ARHGEF28: variants seen among roughly 807,000 people sequenced by gnomAD.
The protein encoded by ARHGEF28 is 190 kDa guanine nucleotide exchange factor.
In ARHGEF28, 152 loss-of-function variants were observed where a neutral mutation model predicts 206.6. The observed-to-expected ratio is 0.74, with a 90% CI of 0.64 to 0.84. The LOEUF (loss-of-function observed/expected upper bound fraction) is 0.84. Ranked by LOEUF, ARHGEF28 falls within the 40% of genes least tolerant of loss-of-function variation. The pLI, the probability that ARHGEF28 is intolerant of heterozygous loss-of-function variation, is 0.00. For missense variants in ARHGEF28, 2,028 were observed against 2,073.2 expected (o/e 0.98, Z 0.42); for synonymous variants, 763 against 776.4 (o/e 0.98, Z 0.29).
Position 73,706,826 on chromosome 5 carries a change from C to T in ARHGEF28, c.33+21942C>T, listed in dbSNP as rs544825143. The stretch of plus-strand genomic sequence containing the variant: ...GGTAGGTGCCCTCTCTCCTCCTCCC[C>T]GCTTTCTTCTCTCCTCCCTTCCTGC... On this transcript the variant is annotated intron_variant, in intron 2 of 35. Coordinates refer to ENST00000513042, the MANE Select transcript of ARHGEF28 (RefSeq NM_001177693.2). Among the ~76,000 whole-genome samples, 8 of 152,268 alleles carry T rather than the reference C, an allele frequency of 5.3e-5. No individual in the cohort carries two copies. In the South Asian group the frequency reaches 6.2e-4, roughly 12 times the overall value.
intron 31 of ARHGEF28, 27 bp downstream of exon 31, chr5:73,901,311 C>A: frequency 1.3e-6 from 2 of 1,589,974 alleles, no homozygotes; most frequent in Non-Finnish European, 1.7e-6. Context: ...TGTTAGTAAA[C>A]GGCAGCGGTT....
At chr5:73,857,436 C>T (rs1449922015) in intron 14 of ARHGEF28, among the ~76,000 whole-genome samples, 1 of 152,052 alleles carries the variant, frequency 6.6e-6, no homozygotes, top group Non-Finnish European at 1.5e-5. Flanking sequence ...TAATTGTTGA[C>T]ATTGTGAGAT....
intron 1 of ARHGEF28, among the ~76,000 whole-genome samples, chr5:73,639,601 A>G (rs1349136415): frequency 1.3e-5 from 2 of 152,146 alleles, no homozygotes; most frequent in East Asian, 1.9e-4. Flanking sequence ...TTTGAGTACA[A>G]GTATACAATA....
intron 21 of ARHGEF28, among the ~76,000 whole-genome samples, chr5:73,870,515 C>T (rs1223241794): frequency 2.0e-5 from 3 of 152,108 alleles, no homozygotes; most frequent in Admixed American, 6.5e-5. Context: ...ATGTTATTTC[C>T]CATATTCCTT....
chr5:73,849,464 T>C (rs1050075448), intron 13 of ARHGEF28, among the ~76,000 whole-genome samples: 1 of 152,106 alleles, frequency 6.6e-6, no homozygotes. Context: ...GCTAACATAA[T>C]CCAACTCCTC....
intron 35 of ARHGEF28, among the ~76,000 whole-genome samples, chr5:73,914,391 CTTT>C (rs571265796): frequency 0.027 from 2,743 of 102,728 alleles, 39 homozygotes; most frequent in African/African-American, 0.098. Context: ...TTCTGAATTG[CTTT>C]TTTTTTTTTT....
intron 35 of ARHGEF28, among the ~76,000 whole-genome samples, chr5:73,927,272 G>A (rs565378070): frequency 1.3e-5 from 2 of 152,208 alleles, no homozygotes; most frequent in South Asian, 2.1e-4. Flanking sequence ...AGCTACTTGG[G>A]GGGCTGAGGC....
At position 73,909,405 on chromosome 5, in the gene ARHGEF28, C is replaced by G; in HGVS notation, c.4162-7C>G. On this transcript the variant is annotated splice_region_variant and splice_polypyrimidine_tract_variant and intron_variant, in intron 33 of 35. Transcript: ENST00000513042. ...TTCAGTGATTTTTCCTCTGTCTGCT[C>G]TGACAGGCCGCCTTGACCATTCAGG... 6.3e-7 allele frequency: 1 copy of G among 1,589,406 alleles called. No homozygotes were observed. The highest frequency in any genetic ancestry group is 1.1e-5 in the South Asian group (1 of 88,700).
intron 29 of ARHGEF28, among the ~76,000 whole-genome samples, chr5:73,896,459 G>A: frequency 6.6e-6 from 1 of 152,136 alleles, no homozygotes; most frequent in East Asian, 1.9e-4. Flanking sequence ...GGAAAGCACT[G>A]GAAGCTTTTA....
rs1478453 is a variant in ARHGEF28 at position 73,911,547 on chromosome 5, T to A, written c.4920T>A (p.His1640Gln). The A allele has an allele frequency of 0.37, 597,230 of 1,607,754 alleles. 114,467 individuals carry two copies. The highest frequency in any genetic ancestry group is 0.4 in the Non-Finnish European group (466,849 of 1,176,240). ...CCGGCCATCAGATACTTCCTTTCCATGAAAGCAGCAAGGATTCTTGTAAAA... is the reference window on the plus strand; with the variant it reads ...CCGGCCATCAGATACTTCCTTTCCAAGAAAGCAGCAAGGATTCTTGTAAAA... ...AGSGHQILPF[H>Q]ESSKDSCKND... The change falls in exon 35 of 36, where the codon CAT becomes CAA. Residue 1640 changes from histidine to glutamine, a missense_variant. Coordinates refer to ENST00000513042, the MANE Select transcript of ARHGEF28 (RefSeq NM_001177693.2).
intron 7 of ARHGEF28, among the ~76,000 whole-genome samples, chr5:73,782,122 G>T (rs555527083): frequency 3.3e-4 from 43 of 129,184 alleles, no homozygotes; most frequent in African/African-American, 8.8e-4. Context: ...CTCTTTACCT[G>T]CATGTTTGTT....
chr5:73,867,079 G>A (rs941989576), intron 18 of ARHGEF28, among the ~76,000 whole-genome samples: 3 of 152,096 alleles, frequency 2.0e-5, no homozygotes, highest in African/African-American at 7.2e-5. Context: ...TTTTCATAGG[G>A]TTAAATGTGA....
In ARHGEF28 at chr5:73,910,666, G is replaced by T. The variant is rs367793987; in HGVS notation, c.4648-609G>T. Among the ~76,000 whole-genome samples, 6 of 152,280 alleles carry T rather than the reference G, an allele frequency of 3.9e-5. No individual in the cohort carries two copies. In the East Asian group the frequency reaches 1.2e-3, roughly 29 times the overall value. Reference sequence around the variant, plus strand: ...ATACTATAGGCACTGAATTTAGCAAGTATAGTACTATTCTGTTATGCTGAG... The same window carrying T: ...ATACTATAGGCACTGAATTTAGCAATTATAGTACTATTCTGTTATGCTGAG... On this transcript the variant is annotated intron_variant, in intron 34 of 35. Transcript: ENST00000513042.
chr5:73,772,833 T>C (rs1214614412), intron 4 of ARHGEF28, among the ~76,000 whole-genome samples: 1 of 152,198 alleles, frequency 6.6e-6, no homozygotes, highest in Admixed American at 6.5e-5. Context: ...TTGGTTAGTC[T>C]TGTGGAAGGT....
intron 1 of ARHGEF28, among the ~76,000 whole-genome samples, chr5:73,658,232 AC>A (rs1745350622): frequency 6.6e-6 from 1 of 151,038 alleles, no homozygotes; most frequent in Non-Finnish European, 1.5e-5. Context: ...CTCTCCTGTC[AC>A]CCCATTTCTT....
chr5:73,813,204 C>T (rs1019371361), intron 9 of ARHGEF28, among the ~76,000 whole-genome samples: 4 of 152,154 alleles, frequency 2.6e-5, no homozygotes, highest in Non-Finnish European at 5.9e-5. Flanking sequence ...TCACAGGCAG[C>T]TCTCTTTCAA....
At position 73,671,254 on chromosome 5, in the gene ARHGEF28, T is replaced by C. The variant is rs547961531; in HGVS notation, c.-11-13587T>C. On this transcript the variant is annotated intron_variant, in intron 1 of 35. Coordinates refer to ENST00000513042, the MANE Select transcript of ARHGEF28 (RefSeq NM_001177693.2). Reference sequence around the variant, plus strand: ...TGGGAAACCCTGTAGCTTACAAAAGTAAGAGCAAGTTTCTCAGCCAGGCTT... The same window carrying C: ...TGGGAAACCCTGTAGCTTACAAAAGCAAGAGCAAGTTTCTCAGCCAGGCTT... 3.3e-5 allele frequency among the ~76,000 whole-genome samples: 5 copies of C among 152,252 alleles called. No homozygotes were observed. In the East Asian group the frequency reaches 9.7e-4, roughly 29 times the overall value.
chr5:73,755,858 A>G (rs903847659), intron 4 of ARHGEF28, among the ~76,000 whole-genome samples: 1 of 152,118 alleles, frequency 6.6e-6, no homozygotes, highest in Non-Finnish European at 1.5e-5. Context: ...CCTTTGATTT[A>G]TCCATATTTT....
At chr5:73,914,750 G>A (rs962854259) in intron 35 of ARHGEF28, among the ~76,000 whole-genome samples, 10 of 151,582 alleles carry the variant, frequency 6.6e-5, no homozygotes, top group Non-Finnish European at 1.2e-4. Flanking sequence ...TTGAGATTGA[G>A]AGTCTCACTC....
Sources: gnomAD v4.1 joint callset for allele counts (sites outside exome capture counted in the v4.1 genomes callset) on GRCh38, gnomAD v4.1.1 for gene constraint, MANE v1.5 for transcripts, NCBI Gene and HGNC (gene_info 2026-07-23, HGNC 2026-07-21) for gene names.